The following GPC6 variants were observed in gnomAD, a reference collection of about 807,000 sequenced individuals.
GPC6 encodes glypican 6.
A neutral mutation model predicts 55.2 loss-of-function variants in GPC6; 14 were observed. That is an observed-to-expected ratio of 0.25 (90% confidence interval 0.17 to 0.40). The LOEUF is 0.40. Ranked by LOEUF, GPC6 falls within the 10% of genes least tolerant of loss-of-function variation. The pLI, the probability that GPC6 is intolerant of heterozygous loss-of-function variation, is 1.00. For missense variants in GPC6, 641 were observed against 708.5 expected (o/e 0.90, Z 1.08); for synonymous variants, 278 against 259.6 (o/e 1.07, Z -0.68).
intron 2 of GPC6, among the ~76,000 whole-genome samples, chr13:93,813,595 ATAAT>A (rs1442837684): frequency 6.6e-6 from 1 of 152,160 alleles, no homozygotes; most frequent in Non-Finnish European, 1.5e-5. Context: ...AATAGTAAGG[ATAAT>A]TAATTGTTAT....
chr13:93,234,595 T>C (rs1876168553), intron 1 of GPC6, among the ~76,000 whole-genome samples: 2 of 152,024 alleles, frequency 1.3e-5, no homozygotes, highest in South Asian at 2.1e-4. Context: ...AAATACTTAG[T>C]AGGTGAAATG....
At chr13:94,204,806 C>T (rs1889853655) in intron 4 of GPC6, among the ~76,000 whole-genome samples, 1 of 152,188 alleles carries the variant, frequency 6.6e-6, no homozygotes, top group African/African-American at 2.4e-5. Flanking sequence ...CCGTATAGAA[C>T]TCAGTCAGCC....
At chr13:93,872,673 C>G (rs1412644700) in intron 3 of GPC6, among the ~76,000 whole-genome samples, 1 of 151,894 alleles carries the variant, frequency 6.6e-6, no homozygotes, top group South Asian at 2.1e-4. Flanking sequence ...TCTGGGCCCA[C>G]CCATGTGATC....
chr13:93,466,711 T>G (rs1031877773), intron 1 of GPC6, among the ~76,000 whole-genome samples: 5 of 152,152 alleles, frequency 3.3e-5, no homozygotes, highest in African/African-American at 1.2e-4. Flanking sequence ...TAGTATATAA[T>G]TTGGCATGTG....
chr13:93,982,485 G>A (rs1337830), intron 3 of GPC6, among the ~76,000 whole-genome samples: 2,102 of 152,228 alleles, frequency 0.014, 37 homozygotes, highest in East Asian at 0.083. Context: ...ATTGAAAAGG[G>A]CAGTTTTAAA....
intron 2 of GPC6, among the ~76,000 whole-genome samples, chr13:93,760,332 T>G (rs1403873209): frequency 6.6e-6 from 1 of 152,140 alleles, no homozygotes; most frequent in Non-Finnish European, 1.5e-5. Context: ...CTTAGGGATT[T>G]TAAGAGTTAA....
chr13:93,700,652 T>C lies in GPC6; in HGVS notation c.320-129502T>C, dbSNP rs144110942. ...AGACTGAGTAAGGTTTGATCTTACA[T>C]TGTCCTTGTAGTCTGCATACTTTTA... On this transcript the variant is annotated intron_variant, in intron 2 of 8. Transcript: ENST00000377047. 3.0e-3 allele frequency among the ~76,000 whole-genome samples: 454 copies of C among 152,248 alleles called. 1 individual carries two copies. The highest frequency in any genetic ancestry group is 0.01 in the African/African-American group (429 of 41,564).
intron 3 of GPC6, among the ~76,000 whole-genome samples, chr13:93,836,927 A>G (rs537214919): frequency 4.0e-4 from 61 of 152,336 alleles, no homozygotes; most frequent in Non-Finnish European, 8.1e-4. Flanking sequence ...CCTCTAGAAC[A>G]GCATATGGAA....
Position 93,830,357 on chromosome 13 carries a change from C to G in GPC6, c.523C>G (p.Leu175Val). The G allele has an allele frequency of 6.2e-7, 1 of 1,613,718 alleles. No individual in the cohort carries two copies. The highest frequency in any genetic ancestry group is 1.3e-5 in the African/African-American group (1 of 74,984). ...WARLLERMFQ[L>V]INPQYHFSED... ...TCGGCTCCTGGAACGGATGTTTCAGCTGATAAACCCTCAGTATCACTTCAG... is the reference window on the plus strand; with the variant it reads ...TCGGCTCCTGGAACGGATGTTTCAGGTGATAAACCCTCAGTATCACTTCAG... The change falls in exon 3 of 9, where the codon CTG (leucine) becomes GTG (valine). Residue 175 changes from leucine (L) to valine (V), a missense_variant. Coordinates refer to ENST00000377047, the MANE Select transcript of GPC6 (RefSeq NM_005708.5).
At chr13:93,702,070 G>C (rs1221768511) in intron 2 of GPC6, among the ~76,000 whole-genome samples, 1 of 151,974 alleles carries the variant, frequency 6.6e-6, no homozygotes, top group Non-Finnish European at 1.5e-5. Flanking sequence ...ACTTTGCCCA[G>C]ATCCATCAGA....
chr13:94,238,715 G>A (rs956133812), intron 4 of GPC6, among the ~76,000 whole-genome samples: 3 of 152,138 alleles, frequency 2.0e-5, no homozygotes, highest in African/African-American at 4.8e-5. Context: ...AGATATAAGC[G>A]AGGGTCTCCC....
At chr13:93,298,313 T>TA (rs1878562425) in intron 1 of GPC6, among the ~76,000 whole-genome samples, 1 of 152,208 alleles carries the variant, frequency 6.6e-6, no homozygotes, top group Non-Finnish European at 1.5e-5. Flanking sequence ...CTCAGTTTAA[T>TA]AGTCATAGAT....
At chr13:94,024,296 T>A (rs1484725934) in intron 3 of GPC6, among the ~76,000 whole-genome samples, 2 of 152,166 alleles carry the variant, frequency 1.3e-5, no homozygotes, top group Non-Finnish European at 2.9e-5. Flanking sequence ...TATTATTTTT[T>A]AAACTATTTT....
At chr13:94,389,850 T>C (rs1326197072) in intron 7 of GPC6, among the ~76,000 whole-genome samples, 3 of 152,164 alleles carry the variant, frequency 2.0e-5, no homozygotes, top group Non-Finnish European at 1.5e-5. Flanking sequence ...TGTAAGGCAG[T>C]GTTGAGCTTT....
intron 4 of GPC6, among the ~76,000 whole-genome samples, chr13:94,090,495 A>G (rs997061148): frequency 6.6e-6 from 1 of 152,116 alleles, no homozygotes; most frequent in African/African-American, 2.4e-5. Flanking sequence ...GCTCATCATG[A>G]AAAAGGTCAA....
intron 2 of GPC6, among the ~76,000 whole-genome samples, chr13:93,759,510 T>C (rs1225455804): frequency 6.6e-6 from 1 of 152,168 alleles, no homozygotes; most frequent in Non-Finnish European, 1.5e-5. Context: ...ATAAGGAAGA[T>C]TTTATATACA....
chr13:93,462,781 C>A (rs1024904384), intron 1 of GPC6, among the ~76,000 whole-genome samples: 1 of 151,934 alleles, frequency 6.6e-6, no homozygotes, highest in Non-Finnish European at 1.5e-5. Flanking sequence ...AGTAATCAAG[C>A]CTACTGTGTA....
intron 4 of GPC6, among the ~76,000 whole-genome samples, chr13:94,051,432 A>T (rs1883944703): frequency 6.6e-6 from 1 of 152,138 alleles, no homozygotes; most frequent in Non-Finnish European, 1.5e-5. Flanking sequence ...ACAAGCTTCC[A>T]CATGCATCTA....
At chr13:94,167,786 A>G (rs550351632) in intron 4 of GPC6, among the ~76,000 whole-genome samples, 2 of 152,312 alleles carry the variant, frequency 1.3e-5, no homozygotes, top group Admixed American at 1.3e-4. Flanking sequence ...ACAGAAGACT[A>G]TCTGTCATAT....
Sources: gnomAD v4.1 joint callset for allele counts (sites outside exome capture counted in the v4.1 genomes callset) on GRCh38, gnomAD v4.1.1 for gene constraint, MANE v1.5 for transcripts, NCBI Gene and HGNC (gene_info 2026-07-23, HGNC 2026-07-21) for gene names.